Variants in DNAH9 observed in about 807,000 individuals in gnomAD.
DNAH9 encodes DNAH9 variant protein.
In DNAH9, 345 loss-of-function variants were observed where a neutral mutation model predicts 471.6. That is an observed-to-expected ratio of 0.73 (90% CI 0.67 to 0.80). The LOEUF is 0.80. Among genes scored for constraint, DNAH9 ranks in the 30% least tolerant of loss-of-function variants. The pLI is 0.00. For synonymous variants in DNAH9, 2,093 were observed against 2,123.6 expected (o/e 0.99, Z 0.40); for missense variants, 5,407 against 5,609.2 (o/e 0.96, Z 1.15).
chr17:11,814,660 A>G (rs1970032532), intron 45 of DNAH9, among the ~76,000 whole-genome samples: 2 of 152,198 alleles, frequency 1.3e-5, no homozygotes, highest in Admixed American at 1.3e-4. Context: ...CCTCTCTTCT[A>G]AAGTCATATT....
chr17:11,647,584 A>G (rs917458570), intron 12 of DNAH9, among the ~76,000 whole-genome samples: 1 of 152,206 alleles, frequency 6.6e-6, no homozygotes, highest in Non-Finnish European at 1.5e-5. Context: ...AAAGATCACC[A>G]ATCATTTGGT....
Position 11,822,475 on chromosome 17 carries a change from G to A in DNAH9, c.8888G>A (p.Arg2963Lys). The A allele has an allele frequency of 6.2e-7, 1 of 1,614,138 alleles. No homozygotes were observed. The highest frequency in any genetic ancestry group is 8.5e-7 in the Non-Finnish European group (1 of 1,180,026). ...LCFSPVGNKLRVRSRKFPAIV... is the reference protein window; with the variant it reads ...LCFSPVGNKLKVRSRKFPAIV... Reference sequence around the variant, plus strand: ...TTCTCCCCTGTGGGAAACAAGCTAAGAGTCCGCAGCAGGAAGTTCCCAGCC... The same window carrying A: ...TTCTCCCCTGTGGGAAACAAGCTAAAAGTCCGCAGCAGGAAGTTCCCAGCC... The change falls in exon 47 of 69, where the codon AGA becomes AAA. Residue 2963 changes from arginine to lysine, a missense_variant. Coordinates refer to ENST00000262442, the MANE Select transcript of DNAH9 (RefSeq NM_001372.4).
chr17:11,616,198 A>G (rs907481164), intron 4 of DNAH9, among the ~76,000 whole-genome samples: 2 of 152,174 alleles, frequency 1.3e-5, no homozygotes, highest in African/African-American at 2.4e-5. Flanking sequence ...TTCTTCACTT[A>G]TAAAATACTA....
chr17:11,949,542 C>T (rs975343234), intron 67 of DNAH9, among the ~76,000 whole-genome samples: 28 of 151,488 alleles, frequency 1.8e-4, no homozygotes, highest in African/African-American at 5.6e-4. Context: ...AGTGCAATGG[C>T]GCAATCTCAG....
intron 61 of DNAH9, among the ~76,000 whole-genome samples, chr17:11,917,119 C>T (rs1021244650): frequency 6.6e-6 from 1 of 151,728 alleles, no homozygotes; most frequent in Non-Finnish European, 1.5e-5. Flanking sequence ...ATTCCATCCA[C>T]TCTTCTTGGC....
Position 11,869,137 on chromosome 17 carries a change from C to G in DNAH9, c.9937C>G (p.Leu3313Val), listed in dbSNP as rs371926599. ...LAAIKAKIAHLNENLAKLTAR... is the reference protein window; with the variant it reads ...LAAIKAKIAHVNENLAKLTAR... ...CCTTGTATTCCTTCCTAAACAGCAC[C>G]TTAATGAAAACCTGGCAAAGCTCAC... The change falls in exon 51 of 69, where the codon CTT becomes GTT. Residue 3313 changes from leucine to valine, a missense_variant. By Grantham distance (32) the Leu-to-Val change is conservative. Around this residue, in one of 3 missense-constraint regions of DNAH9, gnomAD observed 4,636 missense variants for 4,900.3 expected, o/e 0.95. Coordinates refer to ENST00000262442, the MANE Select transcript of DNAH9 (RefSeq NM_001372.4). 1.2e-6 allele frequency: 2 copies of G among 1,613,360 alleles called. No individual in the cohort carries two copies. The highest frequency in any genetic ancestry group is 1.7e-6 in the Non-Finnish European group (2 of 1,179,670).
At chr17:11,608,073 T>C in intron 1 of DNAH9, 56 bp from the exon 2 acceptor site, 1 of 1,375,328 alleles carries the variant, frequency 7.3e-7, no homozygotes, top group South Asian at 1.4e-5. Flanking sequence ...TGAGGATTTC[T>C]TTAAGTTCTC....
intron 26 of DNAH9, among the ~76,000 whole-genome samples, chr17:11,714,328 A>G (rs1482780051): frequency 6.6e-6 from 1 of 152,142 alleles, no homozygotes; most frequent in East Asian, 1.9e-4. Flanking sequence ...GGTCTGTCCC[A>G]TCATTTTTTC....
rs545432513 is a variant in DNAH9 at position 11,743,473 on chromosome 17, C to T, written c.6111+1160C>T. 7.9e-5 allele frequency among the ~76,000 whole-genome samples: 12 copies of T among 152,120 alleles called. No individual in the cohort carries two copies. In the South Asian group the frequency reaches 8.3e-4, roughly 11 times the overall value. ...ACTTGCTAGAGTGATTATTTAAAAACGCTCCTCACTGGTCCCAAGATAGAG... is the reference window on the plus strand; with the variant it reads ...ACTTGCTAGAGTGATTATTTAAAAATGCTCCTCACTGGTCCCAAGATAGAG... On this transcript the variant is annotated intron_variant, in intron 30 of 68. Transcript: ENST00000262442.
At position 11,693,864 on chromosome 17, in the gene DNAH9, G is replaced by A. The variant is rs183465769; in HGVS notation, c.4615-4G>A. 1.6e-3 allele frequency: 2,584 copies of A among 1,614,040 alleles called. 5 individuals carry two copies. The highest frequency in any genetic ancestry group is 1.9e-3 in the Non-Finnish European group (2,241 of 1,179,976). On this transcript the variant is annotated splice_polypyrimidine_tract_variant and splice_region_variant and intron_variant, in intron 20 of 68. Transcript: ENST00000262442. ...GTTAATTGCTTCCACATTTTTATTT[G>A]CAGGATTCTAAAAGGTTTGAAGGCA...
chr17:11,799,813 G>T (rs1969386013), intron 43 of DNAH9, among the ~76,000 whole-genome samples: 1 of 152,162 alleles, frequency 6.6e-6, no homozygotes, highest in Non-Finnish European at 1.5e-5. Context: ...TCAAACTCCT[G>T]ACCTAAGGTG....
chr17:11,677,865 A>G (rs1429694822), intron 17 of DNAH9, among the ~76,000 whole-genome samples: 4 of 151,860 alleles, frequency 2.6e-5, no homozygotes, highest in Non-Finnish European at 5.9e-5. Flanking sequence ...AAATAAGTAA[A>G]TTTATTACTA....
intron 14 of DNAH9, among the ~76,000 whole-genome samples, chr17:11,656,244 G>C (rs2073644876): frequency 6.6e-6 from 1 of 151,992 alleles, no homozygotes; most frequent in Non-Finnish European, 1.5e-5. Flanking sequence ...TATTTGTTTG[G>C]TTATGGCCAT....
Position 11,744,948 on chromosome 17 carries a change from C to T in DNAH9, c.6263C>T (p.Pro2088Leu). 1.2e-6 allele frequency: 2 copies of T among 1,614,168 alleles called. No homozygotes were observed. The highest frequency in any genetic ancestry group is 1.7e-6 in the Non-Finnish European group (2 of 1,180,026). The change falls in exon 31 of 69, where the codon CCC becomes CTC. Residue 2088 changes from proline (P) to leucine (L), a missense_variant. Physicochemically the swap from Pro to Leu is moderately conservative, Grantham distance 98. Coordinates refer to ENST00000262442, the MANE Select transcript of DNAH9 (RefSeq NM_001372.4). ...NIPKIVTDDMPIFMGLIGDLF... is the reference protein window; with the variant it reads ...NIPKIVTDDMLIFMGLIGDLF... ...CCCAAGATTGTGACTGATGACATGC[C>T]CATCTTCATGGGCCTGATCGGGGAC...
intron 58 of DNAH9, among the ~76,000 whole-genome samples, chr17:11,893,148 A>C (rs1597796655): frequency 3.3e-5 from 4 of 122,388 alleles, no homozygotes; most frequent in East Asian, 2.4e-4. Flanking sequence ...TATATTCCCC[A>C]CTCCAGCCCA....
intron 2 of DNAH9, among the ~76,000 whole-genome samples, chr17:11,608,685 C>T (rs2072561307): frequency 6.6e-6 from 1 of 152,204 alleles, no homozygotes; most frequent in African/African-American, 2.4e-5. Flanking sequence ...GCAGGCATGC[C>T]TCTTCCCAGT....
At chr17:11,840,523 C>T (rs1370462108) in intron 49 of DNAH9, among the ~76,000 whole-genome samples, 1 of 152,150 alleles carries the variant, frequency 6.6e-6, no homozygotes, top group Non-Finnish European at 1.5e-5. Flanking sequence ...AGTATAATTG[C>T]TTGACAGAAC....
At chr17:11,699,096 A>G (rs950857300) in intron 22 of DNAH9, among the ~76,000 whole-genome samples, 1 of 152,074 alleles carries the variant, frequency 6.6e-6, no homozygotes, top group Non-Finnish European at 1.5e-5. Context: ...TAAAAATACA[A>G]AAATTAGCTG....
At chr17:11,698,976 T>C (rs545211774) in intron 22 of DNAH9, among the ~76,000 whole-genome samples, 8 of 151,416 alleles carry the variant, frequency 5.3e-5, no homozygotes, top group African/African-American at 9.7e-5. Context: ...TATGGCCGGG[T>C]GTGGTGGCTC....
Sources: allele counts gnomAD v4.1 joint callset (sites outside exome capture counted in the v4.1 genomes callset), GRCh38; gene constraint gnomAD v4.1.1; regional missense constraint gnomAD v4.1.1; transcripts MANE v1.5; gene names NCBI Gene and HGNC (gene_info 2026-07-23, HGNC 2026-07-21).